TRIM2: variants seen among roughly 807,000 people sequenced by gnomAD.
The protein encoded by TRIM2 is tripartite motif containing 2.
Under a neutral mutation model 75.2 loss-of-function variants are expected in TRIM2, and 20 were observed. That is an observed-to-expected ratio of 0.27 (90% confidence interval 0.19 to 0.39). The LOEUF (loss-of-function observed/expected upper bound fraction) is 0.39. Among genes scored for constraint, TRIM2 ranks in the 10% least tolerant of loss-of-function variants. The pLI, the probability that TRIM2 is intolerant of heterozygous loss-of-function variation, is 1.00. For synonymous variants in TRIM2, 373 were observed against 388.3 expected, an observed-to-expected ratio of 0.96 and a Z score of 0.46; for missense variants, 660 against 990.8, an observed-to-expected ratio of 0.67 and a Z score of 4.48.
Position 153,183,190 on chromosome 4 carries a change from C to A in TRIM2, c.-49+29920C>A, listed in dbSNP as rs972045872. 4.6e-5 allele frequency among the ~76,000 whole-genome samples: 7 copies of A among 152,240 alleles called. 1 individual carries two copies. The highest frequency in any genetic ancestry group is 4.6e-4 in the Admixed American group (7 of 15,290). On this transcript the variant is annotated intron_variant, in intron 1 of 11. Transcript: ENST00000437508. ...GTCTTGCCAGTGCAGAGCTGCCTCT[C>A]TCCTCTGAACACACAGCTGTCGTGG...
chr4:153,262,755 A>G (rs1201086439), intron 1 of TRIM2, among the ~76,000 whole-genome samples: 4 of 152,170 alleles, frequency 2.6e-5, no homozygotes, highest in African/African-American at 9.7e-5. Context: ...TTCCTGTTTT[A>G]AAGTTAAACT....
At chr4:153,237,558 T>C (rs1039803211) in intron 1 of TRIM2, among the ~76,000 whole-genome samples, 8 of 152,084 alleles carry the variant, frequency 5.3e-5, no homozygotes, top group African/African-American at 1.9e-4. Context: ...CAGGCACCTG[T>C]AATCCCAACT....
chr4:153,220,489 C>T (rs370141270), intron 1 of TRIM2, among the ~76,000 whole-genome samples: 1 of 151,636 alleles, frequency 6.6e-6, no homozygotes, highest in Non-Finnish European at 1.5e-5. Flanking sequence ...AAGGACAGCC[C>T]GTAGAATAAG....
chr4:153,310,840 T>C (rs116403036), intron 6 of TRIM2, among the ~76,000 whole-genome samples: 1,834 of 152,334 alleles, frequency 0.012, 29 homozygotes, highest in African/African-American at 0.042. Flanking sequence ...TAAGCAATGT[T>C]AGACAAACAG....
chr4:153,194,858 T>G (rs1240443541), intron 1 of TRIM2, among the ~76,000 whole-genome samples: 1 of 152,128 alleles, frequency 6.6e-6, no homozygotes, highest in Admixed American at 6.5e-5. Context: ...TATTTTCCCT[T>G]TAGGGATTGA....
intron 1 of TRIM2, among the ~76,000 whole-genome samples, chr4:153,192,426 G>A (rs746147122): frequency 6.6e-6 from 1 of 151,850 alleles, no homozygotes; most frequent in Non-Finnish European, 1.5e-5. Flanking sequence ...GGGAAACATG[G>A]CAAAACCCCA....
At chr4:153,192,796 A>G (rs1404823869) in intron 1 of TRIM2, among the ~76,000 whole-genome samples, 7 of 151,990 alleles carry the variant, frequency 4.6e-5, no homozygotes, top group Non-Finnish European at 8.8e-5. Context: ...GTTTTCCCAG[A>G]CAGCCCATGG....
At chr4:153,185,666 G>A (rs6825899) in intron 1 of TRIM2, among the ~76,000 whole-genome samples, 26,836 of 152,090 alleles carry the variant, frequency 0.18, 2,788 homozygotes, top group African/African-American at 0.27. Context: ...GTCCCTCCAC[G>A]TAAGCAGTAG....
intron 1 of TRIM2, among the ~76,000 whole-genome samples, chr4:153,161,747 T>C (rs1729760263): frequency 6.6e-6 from 1 of 152,234 alleles, no homozygotes; most frequent in Non-Finnish European, 1.5e-5. Flanking sequence ...TGACTGAATA[T>C]TGGGCAGTAT....
chr4:153,205,823 T>C lies in TRIM2; in HGVS notation c.30+1263T>C, dbSNP rs138771186. On this transcript the variant is annotated intron_variant, in intron 1 of 11. Coordinates refer to ENST00000338700, the MANE Select transcript of TRIM2 (RefSeq NM_015271.5). Reference sequence around the variant, plus strand: ...TAAGTCAGAATACAAAGGGTGTTTTTCAAATGAATTTGACGCCAAGCAACA... The same window carrying C: ...TAAGTCAGAATACAAAGGGTGTTTTCCAAATGAATTTGACGCCAAGCAACA... Among the ~76,000 whole-genome samples the C allele has an allele frequency of 5.3e-5, 8 of 152,322 alleles. No individual in the cohort carries two copies. The East Asian group carries it at 7.7e-4, about 15-fold the overall frequency.
rs996948022 is a variant in TRIM2 at position 153,338,906 on chromosome 4, C to A, written c.*3940C>A. 1 of 983,436 alleles carries A rather than the reference C, an allele frequency of 1.0e-6. No individual in the cohort carries two copies. Among genetic ancestry groups the A allele is most frequent in the Non-Finnish European group, 1.2e-6 (1 of 829,488 alleles). The allele number at this position is 983,436 out of a possible 1,614,324, so 60.9% of individuals were successfully genotyped here. On this transcript the variant is annotated 3_prime_UTR_variant, in exon 12 of 12. Transcript: ENST00000338700. ...ATTCTTGTAATAGAATTCTTTATATCGTTCTCAATTCTATAGACTTTCAAG... is the reference window on the plus strand; with the variant it reads ...ATTCTTGTAATAGAATTCTTTATATAGTTCTCAATTCTATAGACTTTCAAG...
intron 11 of TRIM2, among the ~76,000 whole-genome samples, chr4:153,329,638 C>T (rs1390223211): frequency 6.6e-6 from 1 of 151,780 alleles, no homozygotes; most frequent in Non-Finnish European, 1.5e-5. Flanking sequence ...GAGTTCGAGA[C>T]AAGCTCGGCC....
At chr4:153,219,671 C>T (rs1739428635) in intron 1 of TRIM2, among the ~76,000 whole-genome samples, 1 of 152,080 alleles carries the variant, frequency 6.6e-6, no homozygotes, top group Admixed American at 6.6e-5. Flanking sequence ...AGTTCAAGAC[C>T]AGCCTGGGAA....
intron 1 of TRIM2, among the ~76,000 whole-genome samples, chr4:153,207,353 T>C (rs1735765928): frequency 6.6e-6 from 1 of 152,076 alleles, no homozygotes; most frequent in Admixed American, 6.6e-5. Context: ...AAACAAGGGG[T>C]TAAGAGCAAG....
intron 3 of TRIM2, among the ~76,000 whole-genome samples, chr4:153,280,384 C>CTTTTTTTTTTTTT (rs3048122): frequency 3.4e-5 from 4 of 116,988 alleles, no homozygotes; most frequent in East Asian, 2.3e-4. Flanking sequence ...CAGCAAATTC[C>CTTTTTTTTTTTTT]TTTTTTTTTT....
At chr4:153,232,053 T>C (rs544164777) in intron 1 of TRIM2, among the ~76,000 whole-genome samples, 1 of 151,998 alleles carries the variant, frequency 6.6e-6, no homozygotes, top group Non-Finnish European at 1.5e-5. Context: ...TTCCAAAATA[T>C]GAAAAAAAAC....
rs937630262 is a variant in TRIM2, at chr4:153,292,321, T to C, written c.454-661T>C. Among the ~76,000 whole-genome samples the C allele has an allele frequency of 5.9e-5, 9 of 152,244 alleles. 1 individual carries two copies. The highest frequency in any genetic ancestry group is 2.2e-4 in the African/African-American group (9 of 41,462). ...AATACCATTTTTCCCACAAATTTTT[T>C]TGTTTTTCACAATATATTTATTTTC... On this transcript the variant is annotated intron_variant, in intron 3 of 11. Transcript: ENST00000338700.
upstream of TRIM2, among the ~76,000 whole-genome samples, chr4:153,204,173 T>C (rs540833204): frequency 2.0e-5 from 3 of 152,348 alleles, no homozygotes; most frequent in African/African-American, 4.8e-5. Flanking sequence ...ACAAACACTT[T>C]CCTGAAATTG....
intron 6 of TRIM2, among the ~76,000 whole-genome samples, chr4:153,301,124 GA>G (rs1246383589): frequency 6.6e-6 from 1 of 151,812 alleles, no homozygotes; most frequent in Non-Finnish European, 1.5e-5. Context: ...CCAGGAGGCA[GA>G]GGCTGCAGTG....
Sources: allele counts gnomAD v4.1 joint callset (sites outside exome capture counted in the v4.1 genomes callset), GRCh38; gene constraint gnomAD v4.1.1; transcripts MANE v1.5; gene names NCBI Gene and HGNC (gene_info 2026-07-23, HGNC 2026-07-21).